SNX24: variants seen among roughly 807,000 people sequenced by gnomAD.
The protein encoded by SNX24 is sorting nexin-24.
A neutral mutation model predicts 28.7 loss-of-function variants in SNX24; 22 were observed. That is an observed-to-expected ratio of 0.77 (90% CI 0.55 to 1.10). SNX24 has a LOEUF of 1.10. SNX24 is among the 50% of genes least tolerant of loss of function. SNX24 has a pLI of 0.00. For synonymous variants in SNX24, 69 were observed against 71.5 expected, an observed-to-expected ratio of 0.96 and a Z score of 0.18; for missense variants, 221 against 201.1, an observed-to-expected ratio of 1.10 and a Z score of -0.60.
intron 1 of SNX24, among the ~76,000 whole-genome samples, chr5:122,894,037 C>T (rs1466328896): frequency 4.2e-5 from 6 of 142,088 alleles, no homozygotes; most frequent in East Asian, 2.0e-4. Flanking sequence ...GACTCCAAAT[C>T]GAAAAAAAAA....
chr5:123,008,779 G>T lies in SNX24; in HGVS notation c.*1030G>T. Reference sequence around the variant, plus strand: ...GGCTTCCTTTTCACTGACCTCATTTGTTGAGTTAATGTAAGTTAAATGTGT... The same window carrying T: ...GGCTTCCTTTTCACTGACCTCATTTTTTGAGTTAATGTAAGTTAAATGTGT... On this transcript the variant is annotated 3_prime_UTR_variant, in exon 7 of 7. Coordinates refer to ENST00000261369, the MANE Select transcript of SNX24 (RefSeq NM_014035.4). The T allele has an allele frequency of 4.1e-6, 3 of 736,808 alleles. No homozygotes were observed. The highest frequency in any genetic ancestry group is 5.0e-6 in the Non-Finnish European group (3 of 603,100). The allele number at this position is 736,808 out of a possible 1,614,324, so 45.6% of individuals were successfully genotyped here. A position where few individuals can be genotyped will look rare whatever the true frequency, so the allele number is the denominator to read the frequency against.
chr5:123,007,661 T>G, intron 6 of SNX24, 21 bp from the exon 7 acceptor site: 1 of 1,552,850 alleles, frequency 6.4e-7, no homozygotes. Context: ...TTTTTTTTCT[T>G]TTTTTTTTTC....
intron 1 of SNX24, among the ~76,000 whole-genome samples, chr5:122,891,446 G>A (rs1394420357): frequency 6.6e-6 from 1 of 152,118 alleles, no homozygotes; most frequent in East Asian, 1.9e-4. Context: ...GGAAAATGCT[G>A]TTTTATTGAG....
intron 5 of SNX24, chr5:123,024,138 T>C: frequency 5.0e-6 from 2 of 403,990 alleles, no homozygotes; most frequent in Non-Finnish European, 7.4e-6. Context: ...TTTTTATGAC[T>C]ACTAAGCGTT....
intron 3 of SNX24, among the ~76,000 whole-genome samples, chr5:122,958,027 C>T (rs1760291424): frequency 6.6e-6 from 1 of 152,000 alleles, no homozygotes; most frequent in African/African-American, 2.4e-5. Flanking sequence ...CTTTTTCTTG[C>T]CTAATTGCTC....
At chr5:122,913,758 C>T (rs977428318) in intron 1 of SNX24, among the ~76,000 whole-genome samples, 4 of 152,098 alleles carry the variant, frequency 2.6e-5, no homozygotes, top group Non-Finnish European at 4.4e-5. Context: ...CCAAGGCAGG[C>T]GGCTGGGAGG....
chr5:123,015,776 C>T (rs988351687), intron 5 of SNX24, among the ~76,000 whole-genome samples: 1 of 151,964 alleles, frequency 6.6e-6, no homozygotes, highest in Non-Finnish European at 1.5e-5. Context: ...AAAAAAAACA[C>T]CTCAATACTT....
At chr5:122,865,336 A>G (rs976305587) in intron 1 of SNX24, among the ~76,000 whole-genome samples, 2 of 84,546 alleles carry the variant, frequency 2.4e-5, no homozygotes, top group African/African-American at 1.4e-4. Flanking sequence ...ATTTTTATGT[A>G]TTTATATTTT....
At chr5:122,871,596 C>A (rs1437903655) in intron 1 of SNX24, among the ~76,000 whole-genome samples, 1 of 151,976 alleles carries the variant, frequency 6.6e-6, no homozygotes, top group Non-Finnish European at 1.5e-5. Flanking sequence ...GGTGAAACCC[C>A]CGTCTCTACT....
chr5:122,917,004 C>T (rs1024696821), intron 1 of SNX24, among the ~76,000 whole-genome samples: 1 of 152,130 alleles, frequency 6.6e-6, no homozygotes, highest in Non-Finnish European at 1.5e-5. Flanking sequence ...CGCGGTGGCT[C>T]ACGCCTGTAA....
intron 5 of SNX24, 95 bp from the exon 6 acceptor site, chr5:123,001,845 C>A: frequency 2.0e-6 from 2 of 1,011,698 alleles, no homozygotes; most frequent in Admixed American, 1.7e-5. Context: ...TGAGACGTCC[C>A]CGCACAGCAG....
intron 1 of SNX24, among the ~76,000 whole-genome samples, chr5:122,897,283 A>T (rs1007304025): frequency 1.3e-5 from 2 of 152,174 alleles, no homozygotes; most frequent in African/African-American, 4.8e-5. Context: ...CCCAACAGTA[A>T]GCCAGAATGT....
chr5:123,004,341 G>T (rs982342487), intron 6 of SNX24, among the ~76,000 whole-genome samples: 4 of 152,180 alleles, frequency 2.6e-5, no homozygotes, highest in East Asian at 3.9e-4. Context: ...AGTGATTTCA[G>T]TGTGGCTGAA....
chr5:122,933,379 C>T (rs1357532152), intron 1 of SNX24, among the ~76,000 whole-genome samples: 3 of 152,168 alleles, frequency 2.0e-5, no homozygotes, highest in Admixed American at 6.5e-5. Flanking sequence ...GGGAGGCCTC[C>T]TCAGCTGCAG....
intron 2 of SNX24, among the ~76,000 whole-genome samples, chr5:122,943,888 TCTC>T (rs1268056371): frequency 2.6e-5 from 4 of 152,098 alleles, no homozygotes; most frequent in Non-Finnish European, 5.9e-5. Context: ...CCTAATGTCA[TCTC>T]CTCTATTTCC....
intron 3 of SNX24, among the ~76,000 whole-genome samples, chr5:122,980,362 A>C (rs1045666579): frequency 1.3e-5 from 2 of 152,114 alleles, no homozygotes; most frequent in African/African-American, 4.8e-5. Context: ...TATAATGGAA[A>C]TGTTTTATTG....
intron 1 of SNX24, among the ~76,000 whole-genome samples, chr5:122,865,550 G>A (rs952135392): frequency 6.6e-6 from 1 of 152,180 alleles, no homozygotes; most frequent in African/African-American, 2.4e-5. Context: ...TGTTGGCCAG[G>A]CTGGTCTCGA....
chr5:122,959,000 T>G (rs1385505264), intron 3 of SNX24, among the ~76,000 whole-genome samples: 2 of 152,230 alleles, frequency 1.3e-5, no homozygotes, highest in Admixed American at 1.3e-4. Flanking sequence ...AGGGTAATGC[T>G]GGCTACCTAG....
chr5:122,981,905 G>T (rs1224812231), intron 3 of SNX24, among the ~76,000 whole-genome samples: 1 of 152,198 alleles, frequency 6.6e-6, no homozygotes, highest in East Asian at 1.9e-4. Flanking sequence ...CTTGTCCTTG[G>T]AATATAGACC....
Sources: gnomAD v4.1 joint callset for allele counts (sites outside exome capture counted in the v4.1 genomes callset) on GRCh38, gnomAD v4.1.1 for gene constraint, MANE v1.5 for transcripts, NCBI Gene and HGNC (gene_info 2026-07-23, HGNC 2026-07-21) for gene names.